The following KLF8 variants were observed in gnomAD, a reference collection of about 807,000 sequenced individuals.
KLF8 encodes Krueppel-like factor 8.
In KLF8, 10 loss-of-function variants were observed where a neutral mutation model predicts 18.2. The observed-to-expected ratio is 0.55, with a 90% confidence interval of 0.34 to 0.93. KLF8 has a LOEUF of 0.93. Ranked by LOEUF, KLF8 falls within the 40% of genes least tolerant of loss-of-function variation. The probability of loss-of-function intolerance (pLI) is 0.02; values close to 1 mark genes in which losing one functional copy is unlikely to be tolerated. For synonymous variants in KLF8, 109 were observed against 97.3 expected (o/e 1.12, Z -0.71); for missense variants, 264 against 277.9 (o/e 0.95, Z 0.36).
the KLF8 span, among the ~76,000 whole-genome samples, chrX:56,215,732 A>T: frequency 9.9e-6 from 1 of 101,197 alleles, no homozygotes; most frequent in Non-Finnish European, 2.0e-5. Flanking sequence ...CTGAGGCAGG[A>T]TAATTGCTTG....
At chrX:56,102,597 G>A in the KLF8 span, among the ~76,000 whole-genome samples, 1 of 110,993 alleles carries the variant, frequency 9.0e-6, no homozygotes, top group Non-Finnish European at 1.9e-5. Context: ...TGAACATGGG[G>A]TGTTTTTCTA....
the KLF8 span, among the ~76,000 whole-genome samples, chrX:55,974,667 A>G: frequency 2.7e-5 from 3 of 112,466 alleles, no homozygotes; most frequent in African/African-American, 9.7e-5. Flanking sequence ...ATTACCACAT[A>G]TTATGTGCCA....
At chrX:56,256,643 A>G (rs772396598) in intron 2 of KLF8, among the ~76,000 whole-genome samples, 7 of 111,321 alleles carry the variant, frequency 6.3e-5, no homozygotes, top group Non-Finnish European at 1.3e-4. Context: ...AAATTTTTCA[A>G]TTTTCTTCTT....
chrX:56,175,559 A>T, the KLF8 span, among the ~76,000 whole-genome samples: 5 of 111,841 alleles, frequency 4.5e-5, no homozygotes, highest in Admixed American at 1.9e-4. Flanking sequence ...GGTACTGAGA[A>T]GAATATATAT....
At chrX:56,004,671 G>A in the KLF8 span, among the ~76,000 whole-genome samples, 374 of 111,341 alleles carry the variant, frequency 3.4e-3, 4 homozygotes, top group Non-Finnish European at 1.9e-3. Context: ...GAAGTCTTGC[G>A]GGTAATTCTT....
the KLF8 span, among the ~76,000 whole-genome samples, chrX:56,035,776 C>T: frequency 0.035 from 3,921 of 111,634 alleles, 154 homozygotes; most frequent in African/African-American, 0.12. Flanking sequence ...TGAGAAATGT[C>T]TGTTCAGATT....
chrX:55,942,503 A>G, the KLF8 span, among the ~76,000 whole-genome samples: 1 of 110,821 alleles, frequency 9.0e-6, no homozygotes, highest in Admixed American at 9.7e-5. Context: ...TTGTACCCTA[A>G]AACTTAAAGT....
chrX:55,968,670 G>A, the KLF8 span, among the ~76,000 whole-genome samples: 4 of 111,554 alleles, frequency 3.6e-5, no homozygotes, highest in Non-Finnish European at 7.5e-5. Flanking sequence ...TTTATAAAAG[G>A]GCAGTTCCTC....
At chrX:56,035,375 A>G in the KLF8 span, among the ~76,000 whole-genome samples, 2 of 112,082 alleles carry the variant, frequency 1.8e-5, no homozygotes, top group Non-Finnish European at 3.8e-5. Flanking sequence ...CTGTTCTTAG[A>G]CACTTAGGTC....
At position 56,284,408 on chromosome X, in the gene KLF8, A is replaced by G. The variant is rs1456582819; in HGVS notation, c.994A>G (p.Lys332Glu). The G allele has an allele frequency of 8.3e-7, 1 of 1,209,588 alleles. No individual in the cohort carries two copies. Among genetic ancestry groups the G allele is most frequent in the Admixed American group, 2.2e-5 (1 of 45,684 alleles). Residue 332 changes from lysine (K) to glutamate (E), a missense_variant, in exon 6 of 6, where the codon AAG (lysine) becomes GAG (glutamate). Transcript: ENST00000468660. The part of the protein sequence containing the change: ...TRHFRKHTGI[K>E]PFRCTDCNRS... ...CCATTTCCGCAAGCACACAGGCATC[A>G]AGCCTTTTCGGTGCACAGACTGCAA...
At chrX:56,051,316 G>A in the KLF8 span, among the ~76,000 whole-genome samples, 1 of 109,545 alleles carries the variant, frequency 9.1e-6, no homozygotes, top group Non-Finnish European at 1.9e-5. Context: ...TCATTATGAT[G>A]TTAGCTGGTT....
chrX:56,090,808 G>A, the KLF8 span, among the ~76,000 whole-genome samples: 6 of 111,021 alleles, frequency 5.4e-5, no homozygotes, highest in East Asian at 2.8e-4. Context: ...AGTCCTCAGC[G>A]TCTATTTTTC....
chrX:56,232,856 C>G lies in KLF8; in HGVS notation c.-479C>G. 1 of 114,733 alleles carries G rather than the reference C, an allele frequency of 8.7e-6. No homozygotes were observed. The highest frequency in any genetic ancestry group is 9.1e-5 in the Admixed American group (1 of 10,941). The allele number at this position is 114,733 out of a possible 1,213,427, so 9.5% of individuals were successfully genotyped here. A position where few individuals can be genotyped will look rare whatever the true frequency, so the allele number is the denominator to read the frequency against. ...TTTCATAGCCCCCACCCCCGGCCCT[C>G]TCCTTTTAAAGGGTGTGTGGAGTTC... On this transcript the variant is annotated 5_prime_UTR_variant, in exon 1 of 6. Transcript: ENST00000468660.
rs767605309 is a variant in KLF8 at position 56,233,060 on chromosome X, G to A, written c.-275G>A. ...CTACTCTGCCGGCCCCTGATTTTTG[G>A]GTTGGATGCTTGAGAGCTTTGTTTC... On this transcript the variant is annotated 5_prime_UTR_variant, in exon 1 of 6. Coordinates refer to ENST00000468660, the MANE Select transcript of KLF8 (RefSeq NM_007250.5). The A allele has an allele frequency of 2.7e-5, 10 of 364,951 alleles. No homozygotes were observed. In the South Asian group the frequency reaches 5.7e-4, roughly 21 times the overall value. The allele number at this position is 364,951 out of a possible 1,213,427, so 30.1% of individuals were successfully genotyped here. A position where few individuals can be genotyped will look rare whatever the true frequency, so the allele number is the denominator to read the frequency against.
At chrX:56,100,354 T>G in the KLF8 span, among the ~76,000 whole-genome samples, 1 of 111,756 alleles carries the variant, frequency 8.9e-6, no homozygotes, top group Non-Finnish European at 1.9e-5. Context: ...TCACCCAAGC[T>G]CTGATGAAAA....
the KLF8 span, among the ~76,000 whole-genome samples, chrX:55,991,037 G>T: frequency 8.9e-6 from 1 of 112,106 alleles, no homozygotes; most frequent in African/African-American, 3.2e-5. Flanking sequence ...TGTCAGACAG[G>T]GACATTTAAG....
At chrX:56,058,248 G>A in the KLF8 span, among the ~76,000 whole-genome samples, 28 of 24,490 alleles carry the variant, frequency 1.1e-3, no homozygotes, top group Admixed American at 3.5e-3. Flanking sequence ...ATATATATAC[G>A]TATATATACA....
At chrX:56,052,616 T>C in the KLF8 span, among the ~76,000 whole-genome samples, 15 of 111,667 alleles carry the variant, frequency 1.3e-4, no homozygotes, top group Non-Finnish European at 2.3e-4. Context: ...GAGGAAGCAG[T>C]CTCCCCATTC....
At chrX:55,930,677 G>C in the KLF8 span, among the ~76,000 whole-genome samples, 43 of 112,047 alleles carry the variant, frequency 3.8e-4, no homozygotes, top group African/African-American at 1.4e-3. Context: ...TTTATGTGAT[G>C]GATTATGCTT....
Sources: gnomAD v4.1 joint callset for allele counts (sites outside exome capture counted in the v4.1 genomes callset) on GRCh38, gnomAD v4.1.1 for gene constraint, MANE v1.5 for transcripts, NCBI Gene and HGNC (gene_info 2026-07-23, HGNC 2026-07-21) for gene names.